The following SEC16B variants were observed in gnomAD, a reference collection of about 807,000 sequenced individuals.
SEC16B encodes protein transport protein Sec16B.
SEC16B carries 115 observed loss-of-function variants against 141.8 expected under a neutral mutation model. The ratio of observed to expected loss-of-function variants is 0.81; its 90% CI spans 0.70 to 0.95. The LOEUF is 0.95. Ranked by LOEUF, SEC16B falls within the 40% of genes least tolerant of loss-of-function variation. The pLI, the probability that SEC16B is intolerant of heterozygous loss-of-function variation, is 0.00. For missense variants in SEC16B, 1,291 were observed against 1,312.3 expected (o/e 0.98, Z 0.25); for synonymous variants, 493 against 492.5 (o/e 1.00, Z -0.01).
intron 1 of SEC16B, among the ~76,000 whole-genome samples, chr1:177,979,612 G>A (rs1438880356): frequency 6.6e-6 from 1 of 152,224 alleles, no homozygotes; most frequent in African/African-American, 2.4e-5. Context: ...GGACATTGAA[G>A]GGCACAAGAA....
chr1:177,932,763 AGGC>A lies in SEC16B; in HGVS notation c.2864_2866del (p.Gly955_Leu956delinsVal). 1 of 1,612,538 alleles carries A rather than the reference AGGC, an allele frequency of 6.2e-7. No homozygotes were observed. The highest frequency in any genetic ancestry group is 8.5e-7 in the Non-Finnish European group (1 of 1,179,436). ...GGACTCAGGGGAAGGTGTCAGTGAGAGGCCCAGGCCAGCCTGGTGGGGAGAAGA... is the reference window on the plus strand; with the variant it reads ...GGACTCAGGGGAAGGTGTCAGTGAGACCAGGCCAGCCTGGTGGGGAGAAGA... On this transcript the variant is annotated inframe_deletion, in exon 23 of 26. Coordinates refer to ENST00000308284, the MANE Select transcript of SEC16B (RefSeq NM_033127.4).
chr1:177,935,418 T>C (rs1650762025), intron 20 of SEC16B, among the ~76,000 whole-genome samples: 1 of 152,176 alleles, frequency 6.6e-6, no homozygotes, highest in African/African-American at 2.4e-5. Context: ...AAAAATCTCA[T>C]AGAGTGTTAA....
At chr1:177,943,075 A>G (rs1391398142) in intron 15 of SEC16B, among the ~76,000 whole-genome samples, 1 of 152,210 alleles carries the variant, frequency 6.6e-6, no homozygotes, top group African/African-American at 2.4e-5. Context: ...AGGATTCGAA[A>G]CAATACACAA....
At chr1:177,944,718 G>A (rs1327744582) in intron 14 of SEC16B, 52 bp from the exon 15 acceptor site, 1 of 1,461,766 alleles carries the variant, frequency 6.8e-7, no homozygotes, top group East Asian at 2.3e-5. Context: ...GGACGCAGGA[G>A]TTAAATCCTA....
At chr1:177,971,691 T>C (rs984080389), upstream of SEC16B, among the ~76,000 whole-genome samples, 3 of 152,224 alleles carry the variant, frequency 2.0e-5, no homozygotes, top group African/African-American at 4.8e-5. Flanking sequence ...TTAGCAACTA[T>C]GCTTTTTTGA....
At chr1:177,979,187 C>A (rs886369472) in intron 1 of SEC16B, among the ~76,000 whole-genome samples, 1 of 152,144 alleles carries the variant, frequency 6.6e-6, no homozygotes, top group African/African-American at 2.4e-5. Flanking sequence ...TATTTAAAAT[C>A]TATTTCATGT....
At chr1:177,960,122 G>A (rs1470868846) in intron 8 of SEC16B, 3 of 561,726 alleles carry the variant, frequency 5.3e-6, no homozygotes, top group East Asian at 2.9e-5. Context: ...TTTCTAAACT[G>A]TCATGCTAAT....
In SEC16B at chr1:177,961,595, T is replaced by G. The variant is rs1309915206; in HGVS notation, c.782A>C (p.Gln261Pro). 6.2e-7 allele frequency: 1 copy of G among 1,610,986 alleles called. No individual in the cohort carries two copies. Among genetic ancestry groups the G allele is most frequent in the African/African-American group, 1.3e-5 (1 of 74,700 alleles). ...CTGATCATTTTAGAACCCACCAGCCTGAACTGGACTCCAAGCTGCTGAAGC... is the reference window on the plus strand; with the variant it reads ...CTGATCATTTTAGAACCCACCAGCCGGAACTGGACTCCAAGCTGCTGAAGC... ...PPASAAWSPVQADVSSAGPKA... is the reference protein window; with the variant it reads ...PPASAAWSPVPADVSSAGPKA... Residue 261 changes from glutamine to proline, a missense_variant, in exon 6 of 26, where the codon CAG (glutamine) becomes CCG (proline). This residue lies in a region of SEC16B where 681 missense variants were observed against 675.5 expected (regional missense o/e 1.01). Transcript: ENST00000308284.
intron 24 of SEC16B, among the ~76,000 whole-genome samples, chr1:177,931,610 G>A (rs1650419756): frequency 6.6e-6 from 1 of 152,102 alleles, no homozygotes; most frequent in Non-Finnish European, 1.5e-5. Flanking sequence ...CATATCAGAA[G>A]GGTTTCTTAA....
At chr1:177,965,315 C>A (rs537815376) in intron 3 of SEC16B, 148 bp from the exon 4 acceptor site, 104 of 977,436 alleles carry the variant, frequency 1.1e-4, no homozygotes, top group Non-Finnish European at 1.2e-4. Flanking sequence ...TAGGTGAGAG[C>A]TAATAAAGAA....
intron 25 of SEC16B, 98 bp downstream of exon 25, chr1:177,930,447 T>C: frequency 5.2e-6 from 4 of 767,178 alleles, no homozygotes; most frequent in Non-Finnish European, 8.6e-6. Flanking sequence ...GCTCAAGAAC[T>C]CACATATCAT....
Position 177,932,924 on chromosome 1 carries a change from C to T in SEC16B, c.2824-118G>A, listed in dbSNP as rs564729196. ...CCTTGCCACAAACTGCTGCTGGGCACTCCCCAAAACCCCCCTCCTCATCCC... is the reference window on the plus strand; with the variant it reads ...CCTTGCCACAAACTGCTGCTGGGCATTCCCCAAAACCCCCCTCCTCATCCC... On this transcript the variant is annotated intron_variant, in intron 22 of 25. Coordinates refer to ENST00000308284, the MANE Select transcript of SEC16B (RefSeq NM_033127.4). 4 of 944,550 alleles carry T rather than the reference C, an allele frequency of 4.2e-6. No homozygotes were observed. In the South Asian group the frequency reaches 4.4e-5, roughly 10 times the overall value. 58.5% of individuals were successfully genotyped at this position (944,550 alleles called of 1,614,324 possible).
rs1653659133 is a variant in SEC16B, at chr1:177,967,768, A to G, written c.214T>C (p.Tyr72His). 2.5e-6 allele frequency: 4 copies of G among 1,613,910 alleles called. No homozygotes were observed. Among genetic ancestry groups the G allele is most frequent in the Non-Finnish European group, 3.4e-6 (4 of 1,179,828 alleles). ...TGCCAGTCCCCTGGCCTGGATGCAT[A>G]ATGGGGCTGCTGCTGATGGTCTGCC... The part of the protein sequence containing the change: ...PRADHQQQPH[Y>H]ASRPGDWHQP... Residue 72 changes from tyrosine to histidine, a missense_variant, in exon 2 of 26, where the codon TAT becomes CAT. This residue lies in a region of SEC16B where 681 missense variants were observed against 675.5 expected (regional missense o/e 1.01). Transcript: ENST00000308284.
At chr1:177,978,799 C>A (rs1042543838) in intron 1 of SEC16B, among the ~76,000 whole-genome samples, 6 of 151,956 alleles carry the variant, frequency 3.9e-5, no homozygotes, top group African/African-American at 1.4e-4. Context: ...TCTTATTTAG[C>A]TTTTATCATA....
intron 11 of SEC16B, among the ~76,000 whole-genome samples, chr1:177,953,841 C>T (rs1042121043): frequency 1.3e-5 from 2 of 152,026 alleles, no homozygotes; most frequent in Non-Finnish European, 2.9e-5. Context: ...AGCTCACGAC[C>T]CTGCTACCCC....
chr1:177,960,220 T>C (rs941571020), intron 8 of SEC16B, 122 bp downstream of exon 8: 25 of 703,306 alleles, frequency 3.6e-5, no homozygotes, highest in Admixed American at 1.4e-4. Flanking sequence ...AGAATTCCAC[T>C]CCAACAAGGA....
intron 25 of SEC16B, 104 bp from the exon 26 acceptor site, chr1:177,930,033 A>T (rs548486533): frequency 9.1e-7 from 1 of 1,098,506 alleles, no homozygotes; most frequent in South Asian, 1.5e-5. Context: ...CTCTGTGTAG[A>T]ACATTTCCCA....
At position 177,958,879 on chromosome 1, in the gene SEC16B, T is replaced by C. The variant is rs1283932925; in HGVS notation, c.1095A>G (p.Leu365=). The C allele has an allele frequency of 6.2e-7, 1 of 1,613,832 alleles. No individual in the cohort carries two copies. Among genetic ancestry groups the C allele is most frequent in the African/African-American group, 1.3e-5 (1 of 75,050 alleles). Residue 365 remains leucine, a synonymous_variant, in exon 9 of 26, where the codon CTA becomes CTG. Coordinates refer to ENST00000308284, the MANE Select transcript of SEC16B (RefSeq NM_033127.4). ...SETLGSRDSA[L]LWQLLVLLCR... Reference sequence around the variant, plus strand: ...AAAGGAGAACCAAGAGCTGCCACAGTAGAGCTGAGTCTCTGCTCCCCAGTG... The same window carrying C: ...AAAGGAGAACCAAGAGCTGCCACAGCAGAGCTGAGTCTCTGCTCCCCAGTG...
intron 2 of SEC16B, among the ~76,000 whole-genome samples, chr1:177,966,830 C>G (rs1653562045): frequency 6.6e-6 from 1 of 152,190 alleles, no homozygotes; most frequent in African/African-American, 2.4e-5. Flanking sequence ...CTGCCTTGGC[C>G]TCCCAAAGTG....
Sources: allele counts gnomAD v4.1 joint callset (sites outside exome capture counted in the v4.1 genomes callset), GRCh38; gene constraint gnomAD v4.1.1; regional missense constraint gnomAD v4.1.1; transcripts MANE v1.5; gene names NCBI Gene and HGNC (gene_info 2026-07-23, HGNC 2026-07-21).